NEK6: variants seen among roughly 807,000 people sequenced by gnomAD.
NEK6 encodes serine/threonine-protein kinase Nek6.
A neutral mutation model predicts 43.5 loss-of-function variants in NEK6; 27 were observed. That is an observed-to-expected ratio of 0.62 (90% CI 0.46 to 0.86). The LOEUF (loss-of-function observed/expected upper bound fraction) is 0.86, where lower values mean the gene tolerates loss of function less well. NEK6 is among the 40% of genes least tolerant of loss of function. The probability of loss-of-function intolerance (pLI) is 0.00; values close to 1 mark genes in which losing one functional copy is unlikely to be tolerated. For synonymous variants in NEK6, 167 were observed against 164.1 expected, an observed-to-expected ratio of 1.02 and a Z score of -0.14; for missense variants, 318 against 414.4, an observed-to-expected ratio of 0.77 and a Z score of 2.02.
At chr9:124,272,597 T>C (rs562254876) in intron 1 of NEK6, among the ~76,000 whole-genome samples, 26 of 152,384 alleles carry the variant, frequency 1.7e-4, no homozygotes, top group African/African-American at 6.0e-4. Context: ...TTTGCTTTGC[T>C]TCAAGGTGTC....
intron 8 of NEK6, among the ~76,000 whole-genome samples, chr9:124,344,656 C>A (rs911591181): frequency 6.6e-6 from 1 of 152,206 alleles, no homozygotes; most frequent in Non-Finnish European, 1.5e-5. Flanking sequence ...GCGGGCTGCC[C>A]GCTCTGCAGG....
intron 2 of NEK6, 30 bp from the exon 3 acceptor site, chr9:124,312,479 C>T (rs1458124403): frequency 6.2e-7 from 1 of 1,603,822 alleles, no homozygotes; most frequent in Non-Finnish European, 8.5e-7. Context: ...AGCCTGGCTG[C>T]TCACGGAGGC....
At chr9:124,307,702 C>A (rs546725635) in intron 2 of NEK6, among the ~76,000 whole-genome samples, 1 of 152,188 alleles carries the variant, frequency 6.6e-6, no homozygotes, top group Non-Finnish European at 1.5e-5. Context: ...TGCCCCACAG[C>A]GCAGCCCTGG....
At chr9:124,342,601 C>T (rs975577306) in intron 8 of NEK6, among the ~76,000 whole-genome samples, 13 of 152,240 alleles carry the variant, frequency 8.5e-5, no homozygotes, top group African/African-American at 2.4e-4. Context: ...TGCCCGCCTC[C>T]GGCACGAGGC....
At chr9:124,314,125 G>A in intron 4 of NEK6, 140 bp downstream of exon 4, 2 of 743,614 alleles carry the variant, frequency 2.7e-6, no homozygotes, top group Non-Finnish European at 4.4e-6. Flanking sequence ...TAGCTTTCTA[G>A]GGGCAGCGGC....
chr9:124,303,904 A>C (rs1833122246), intron 2 of NEK6, among the ~76,000 whole-genome samples: 1 of 152,246 alleles, frequency 6.6e-6, no homozygotes, highest in South Asian at 2.1e-4. Flanking sequence ...GTTAATTACA[A>C]CCTCATTTGG....
intron 7 of NEK6, among the ~76,000 whole-genome samples, chr9:124,327,965 T>C (rs752964478): frequency 2.0e-5 from 3 of 152,002 alleles, no homozygotes; most frequent in Admixed American, 6.5e-5. Flanking sequence ...CAGGAAACAG[T>C]GGGTGAGCCT....
At chr9:124,344,085 C>T (rs964129590) in intron 8 of NEK6, among the ~76,000 whole-genome samples, 6 of 152,176 alleles carry the variant, frequency 3.9e-5, no homozygotes, top group Admixed American at 1.3e-4. Flanking sequence ...CCGCGGTCCT[C>T]GGTCCCCGCC....
chr9:124,339,454 AG>A (rs1829473592), intron 7 of NEK6, 116 bp from the exon 8 acceptor site: 1 of 744,018 alleles, frequency 1.3e-6, no homozygotes, highest in African/African-American at 1.7e-5. Flanking sequence ...AGGGCTGCTC[AG>A]AGACCGAGGC....
chr9:124,270,785 T>G (rs1283611776), intron 1 of NEK6, among the ~76,000 whole-genome samples: 8 of 152,204 alleles, frequency 5.3e-5, no homozygotes, highest in Non-Finnish European at 1.0e-4. Context: ...TGAGACTCTG[T>G]GCTGCCAGCA....
At position 124,293,806 on chromosome 9, in the gene NEK6, G is replaced by C. The variant is rs182484291; in HGVS notation, c.-29-8130G>C. Among the ~76,000 whole-genome samples, 20 of 152,376 alleles carry C rather than the reference G, an allele frequency of 1.3e-4. No individual in the cohort carries two copies. In the East Asian group the frequency reaches 3.9e-3, roughly 29 times the overall value. ...GGTTTACAGATGACCGCGAAGGTCA[G>C]TCCCTGCCCTTAAAGGCTGGCAGAG... On this transcript the variant is annotated intron_variant, in intron 1 of 9. Transcript: ENST00000320246.
intron 2 of NEK6, among the ~76,000 whole-genome samples, chr9:124,307,969 GC>G (rs1415627555): frequency 6.6e-6 from 1 of 152,190 alleles, no homozygotes; most frequent in Non-Finnish European, 1.5e-5. Flanking sequence ...CCACCACTAG[GC>G]CCATTCGACA....
chr9:124,318,639 A>G (rs1018099681), intron 4 of NEK6, among the ~76,000 whole-genome samples: 3 of 151,932 alleles, frequency 2.0e-5, no homozygotes, highest in African/African-American at 4.8e-5. Flanking sequence ...ATCACTGTTC[A>G]TGTCCTCTTC....
chr9:124,342,589 T>C (rs1458805536), intron 8 of NEK6, among the ~76,000 whole-genome samples: 1 of 152,228 alleles, frequency 6.6e-6, no homozygotes, highest in Non-Finnish European at 1.5e-5. Context: ...CACGGGCACT[T>C]CTGCCCGCCT....
At chr9:124,279,706 T>C (rs1831810594) in intron 1 of NEK6, among the ~76,000 whole-genome samples, 1 of 152,224 alleles carries the variant, frequency 6.6e-6, no homozygotes, top group South Asian at 2.1e-4. Context: ...ATTTGCTGCA[T>C]GATCTGATCT....
chr9:124,304,446 C>T (rs1833154368), intron 2 of NEK6, among the ~76,000 whole-genome samples: 1 of 152,194 alleles, frequency 6.6e-6, no homozygotes, highest in South Asian at 2.1e-4. Context: ...AGGAAAGCAA[C>T]CTCTCTGAGC....
intron 9 of NEK6, among the ~76,000 whole-genome samples, chr9:124,349,485 C>A (rs1311007862): frequency 6.6e-6 from 1 of 152,198 alleles, no homozygotes; most frequent in Non-Finnish European, 1.5e-5. Flanking sequence ...CCCCCACTCC[C>A]CGGAGCACTG....
At chr9:124,306,237 G>A (rs1833249661) in intron 2 of NEK6, among the ~76,000 whole-genome samples, 1 of 152,138 alleles carries the variant, frequency 6.6e-6, no homozygotes, top group African/African-American at 2.4e-5. Flanking sequence ...GGAACTCTTT[G>A]TGGTTTCGCC....
At chr9:124,301,548 T>C (rs1285165892) in intron 1 of NEK6, among the ~76,000 whole-genome samples, 1 of 151,214 alleles carries the variant, frequency 6.6e-6, no homozygotes, top group Non-Finnish European at 1.5e-5. Flanking sequence ...TAGGTGGGGG[T>C]GACAATGGGG....
Sources: allele counts gnomAD v4.1 joint callset (sites outside exome capture counted in the v4.1 genomes callset), GRCh38; gene constraint gnomAD v4.1.1; transcripts MANE v1.5; gene names NCBI Gene and HGNC (gene_info 2026-07-23, HGNC 2026-07-21).